The following SYT1 variants were observed in gnomAD, a reference collection of about 807,000 sequenced individuals.
SYT1 encodes the protein synaptotagmin-1.
In SYT1, 8 loss-of-function variants were observed where a neutral mutation model predicts 44.8. That is an observed-to-expected ratio of 0.18 (90% CI 0.10 to 0.32). The LOEUF (loss-of-function observed/expected upper bound fraction) is 0.32. SYT1 is among the 10% of genes least tolerant of loss of function. SYT1 has a pLI of 1.00. For missense variants in SYT1, 286 were observed against 509.3 expected (o/e 0.56, Z 4.22); for synonymous variants, 154 against 188.8 (o/e 0.82, Z 1.51).
At chr12:78,878,963 T>C (rs1874315251) in intron 1 of SYT1, among the ~76,000 whole-genome samples, 1 of 151,676 alleles carries the variant, frequency 6.6e-6, no homozygotes, top group Non-Finnish European at 1.5e-5. Context: ...CATCAGAATT[T>C]CTTACCAGCA....
rs527665858 is a variant in SYT1 at position 79,105,170 on chromosome 12, C to T, written c.-18+57808C>T. Among the ~76,000 whole-genome samples, 12 of 152,310 alleles carry T rather than the reference C, an allele frequency of 7.9e-5. No homozygotes were observed. The South Asian group carries it at 2.3e-3, about 29-fold the overall frequency. ...TTGGCTTCAAATTCTAGCTCTTCCA[C>T]CTCCTGTTTGTTTAGCGTTGACCAC... On this transcript the variant is annotated intron_variant, in intron 3 of 10. Transcript: ENST00000261205.
intron 3 of SYT1, among the ~76,000 whole-genome samples, chr12:79,139,034 C>G (rs897650631): frequency 1.3e-5 from 2 of 152,178 alleles, no homozygotes; most frequent in African/African-American, 4.8e-5. Flanking sequence ...TCGCCTCAGC[C>G]TCCAGTGTGG....
chr12:78,975,872 T>A (rs925733276), intron 1 of SYT1, among the ~76,000 whole-genome samples: 5 of 152,168 alleles, frequency 3.3e-5, no homozygotes, highest in African/African-American at 1.2e-4. Context: ...ATGCTTGGAA[T>A]CATTGTTGAA....
intron 4 of SYT1, among the ~76,000 whole-genome samples, chr12:79,248,113 A>T (rs944066915): frequency 2.0e-5 from 3 of 152,218 alleles, no homozygotes; most frequent in African/African-American, 7.2e-5. Flanking sequence ...GATGCCCCAC[A>T]TTAAAGTAGG....
intron 1 of SYT1, among the ~76,000 whole-genome samples, chr12:78,877,322 T>C (rs139033933): frequency 1.3e-5 from 2 of 151,582 alleles, no homozygotes; most frequent in East Asian, 3.9e-4. Context: ...ACTTATTCAC[T>C]ATCATGAGAA....
chr12:79,446,141 A>T (rs1387151746), intron 10 of SYT1, among the ~76,000 whole-genome samples: 1 of 150,410 alleles, frequency 6.6e-6, no homozygotes, highest in Non-Finnish European at 1.5e-5. Flanking sequence ...TATATGTGAA[A>T]AAACTGAGGC....
chr12:79,314,965 C>G (rs760944603), intron 8 of SYT1, among the ~76,000 whole-genome samples: 1 of 152,088 alleles, frequency 6.6e-6, no homozygotes, highest in East Asian at 1.9e-4. Context: ...AAAGTAGATT[C>G]ATGCCTAAGG....
intron 3 of SYT1, among the ~76,000 whole-genome samples, chr12:79,209,557 C>G (rs187314744): frequency 1.8e-4 from 27 of 152,330 alleles, no homozygotes; most frequent in Non-Finnish European, 3.1e-4. Context: ...ATCCACCACT[C>G]ATTGTGTGAA....
intron 7 of SYT1, 56 bp from the exon 8 acceptor site, chr12:79,299,328 A>G: frequency 6.4e-7 from 1 of 1,558,540 alleles, no homozygotes; most frequent in Non-Finnish European, 8.8e-7. Flanking sequence ...TGAACAAGTA[A>G]CATGTTTTAA....
intron 3 of SYT1, among the ~76,000 whole-genome samples, chr12:79,141,323 C>A (rs1300094353): frequency 4.6e-5 from 7 of 152,060 alleles, no homozygotes; most frequent in East Asian, 1.9e-4. Context: ...TCTATGTATT[C>A]TTTATTTCTT....
chr12:79,168,564 A>G (rs1394412424), intron 3 of SYT1, among the ~76,000 whole-genome samples: 2 of 152,044 alleles, frequency 1.3e-5, no homozygotes, highest in Admixed American at 6.6e-5. Flanking sequence ...TTTTTCTGAT[A>G]TAGTCACTGG....
At chr12:78,962,408 T>C (rs1427915332) in intron 1 of SYT1, among the ~76,000 whole-genome samples, 1 of 151,838 alleles carries the variant, frequency 6.6e-6, no homozygotes, top group Non-Finnish European at 1.5e-5. Context: ...TGCTTTTCTC[T>C]TGTGCAAACT....
intron 8 of SYT1, among the ~76,000 whole-genome samples, chr12:79,338,191 C>G (rs1882176137): frequency 6.6e-6 from 1 of 152,152 alleles, no homozygotes; most frequent in Non-Finnish European, 1.5e-5. Flanking sequence ...CCATCTTCCC[C>G]ATTTTTCACC....
intron 4 of SYT1, among the ~76,000 whole-genome samples, chr12:79,253,483 G>GTCTCTCTCTCTCTCTCTCTC (rs60179268): frequency 1.5e-5 from 2 of 129,404 alleles, no homozygotes; most frequent in South Asian, 2.9e-4. Context: ...CCATTGCCCA[G>GTCTCTCTCTCTCTCTCTCTC]TCTCTCTCTC....
chr12:78,960,192 T>A (rs1423570680), intron 1 of SYT1: 2 of 152,164 alleles, frequency 1.3e-5, no homozygotes, highest in African/African-American at 4.8e-5. Context: ...TTGAACCCAT[T>A]CTTTTAGGTA....
rs74110324 is a variant in SYT1, at chr12:79,294,157, T to C, written c.475-1912T>C. Among the ~76,000 whole-genome samples, 559 of 152,216 alleles carry C rather than the reference T, an allele frequency of 3.7e-3. 7 individuals are homozygous for C. The highest frequency in any genetic ancestry group is 0.013 in the African/African-American group (544 of 41,560). Reference sequence around the variant, plus strand: ...ATAATTTTGAAGCTTTCAAGTTAGCTTTAATTATTAATACTATAAGTATCA... The same window carrying C: ...ATAATTTTGAAGCTTTCAAGTTAGCCTTAATTATTAATACTATAAGTATCA... On this transcript the variant is annotated intron_variant, in intron 6 of 10. Transcript: ENST00000261205.
chr12:78,921,849 T>A (rs1877022724), intron 1 of SYT1, among the ~76,000 whole-genome samples: 1 of 151,932 alleles, frequency 6.6e-6, no homozygotes, highest in African/African-American at 2.4e-5. Context: ...AGACAAAAGA[T>A]GATGAGGATG....
At chr12:79,029,361 A>G (rs1302535534) in intron 2 of SYT1, among the ~76,000 whole-genome samples, 1 of 135,330 alleles carries the variant, frequency 7.4e-6, no homozygotes, top group African/African-American at 2.6e-5. Context: ...AAATCAGTAA[A>G]AAAAAAAAAA....
intron 3 of SYT1, among the ~76,000 whole-genome samples, chr12:79,100,401 T>A (rs1389780994): frequency 6.6e-6 from 1 of 152,024 alleles, no homozygotes; most frequent in African/African-American, 2.4e-5. Context: ...TAAGAAGTCA[T>A]AATAATAGGA....
Sources: gnomAD v4.1 joint callset for allele counts (sites outside exome capture counted in the v4.1 genomes callset) on GRCh38, gnomAD v4.1.1 for gene constraint, MANE v1.5 for transcripts, NCBI Gene and HGNC (gene_info 2026-07-23, HGNC 2026-07-21) for gene names.